The following PDGFRA variants were observed in gnomAD, a reference collection of about 807,000 sequenced individuals.
PDGFRA encodes the protein platelet derived growth factor receptor alpha, also known as platelet-derived growth factor receptor alpha.
In PDGFRA, 25 loss-of-function variants were observed where a neutral mutation model predicts 121.5. The observed-to-expected ratio is 0.21, with a 90% CI of 0.15 to 0.29. PDGFRA has a LOEUF of 0.29. Ranked by LOEUF, PDGFRA falls within the 10% of genes least tolerant of loss-of-function variation. The pLI, the probability that PDGFRA is intolerant of heterozygous loss-of-function variation, is 1.00. For synonymous variants in PDGFRA, 463 were observed against 494.8 expected, an observed-to-expected ratio of 0.94 and a Z score of 0.85; for missense variants, 1,008 against 1,345.1, an observed-to-expected ratio of 0.75 and a Z score of 3.92.
chr4:54,245,259 A>G (rs974731280), intron 1 of PDGFRA, among the ~76,000 whole-genome samples: 5 of 152,214 alleles, frequency 3.3e-5, no homozygotes, highest in Admixed American at 1.3e-4. Context: ...TCCAAGACAC[A>G]TAATTGTCAG....
At chr4:54,272,612 A>G (rs938445281) in intron 9 of PDGFRA, 92 bp downstream of exon 9, 3 of 1,446,362 alleles carry the variant, frequency 2.1e-6, no homozygotes, top group Non-Finnish European at 2.9e-6. Context: ...TATTGACTAT[A>G]AGATAGGGTT....
chr4:54,295,533 A>G lies in PDGFRA; in HGVS notation c.*261A>G, dbSNP rs1183062561. ...TTGGAGATAGATGGATAAGGGAATA[A>G]TAGGCCACAGAAGGTGAACTTTGTG... On this transcript the variant is annotated 3_prime_UTR_variant, in exon 23 of 23. Coordinates refer to ENST00000257290, the MANE Select transcript of PDGFRA (RefSeq NM_006206.6). 3 of 509,648 alleles carry G rather than the reference A, an allele frequency of 5.9e-6. No homozygotes were observed. Among genetic ancestry groups the G allele is most frequent in the African/African-American group, 5.7e-5 (3 of 52,434 alleles). 31.6% of individuals were successfully genotyped at this position (509,648 alleles called of 1,614,324 possible).
chr4:54,284,798 T>TTG (rs111268172), intron 16 of PDGFRA, among the ~76,000 whole-genome samples: 968 of 26,256 alleles, frequency 0.037, 11 homozygotes, highest in African/African-American at 0.064. Context: ...AACTATATCA[T>TTG]TGCGTGTGTG....
intron 17 of PDGFRA, 137 bp downstream of exon 17, chr4:54,285,623 C>T (rs2110336577): frequency 1.4e-6 from 1 of 734,960 alleles, no homozygotes. Flanking sequence ...CCTTCATCCC[C>T]TACGCAGGTC....
chr4:54,234,340 A>AT lies in PDGFRA; in HGVS notation c.-13+4927dup, dbSNP rs1251442815. Among the ~76,000 whole-genome samples, 64 of 152,322 alleles carry AT rather than the reference A, an allele frequency of 4.2e-4. 1 individual carries two copies. The highest frequency in any genetic ancestry group is 1.5e-3 in the African/African-American group (63 of 41,578). On this transcript the variant is annotated intron_variant, in intron 1 of 22. Coordinates refer to ENST00000257290, the MANE Select transcript of PDGFRA (RefSeq NM_006206.6). ...AACCTAAGGAAGGAAGAGACTGGAA[A>AT]TTAACATTTGGGGTAGTGGAGCTCA...
At chr4:54,238,633 A>C (rs749762315) in intron 1 of PDGFRA, among the ~76,000 whole-genome samples, 2 of 152,170 alleles carry the variant, frequency 1.3e-5, no homozygotes, top group Non-Finnish European at 2.9e-5. Flanking sequence ...GAGTTGGTAT[A>C]GGAGTTGATA....
chr4:54,288,937 T>TC, intron 20 of PDGFRA, 39 bp downstream of exon 20: 1 of 1,547,174 alleles, frequency 6.5e-7, no homozygotes, highest in South Asian at 1.1e-5. Context: ...GTGTTCACAG[T>TC]CTGTGGGTCT....
At chr4:54,287,282 T>C (rs945451015) in intron 18 of PDGFRA, 148 bp from the exon 19 acceptor site, 31 of 727,132 alleles carry the variant, frequency 4.3e-5, no homozygotes, top group African/African-American at 3.3e-4. Context: ...AGTTCAGTAA[T>C]GAACAAAACA....
chr4:54,254,818 G>A (rs1486186060), intron 1 of PDGFRA, among the ~76,000 whole-genome samples: 3 of 152,126 alleles, frequency 2.0e-5, no homozygotes, highest in Admixed American at 6.5e-5. Context: ...GGCACATGCC[G>A]GGCTCCTCAG....
At chr4:54,277,331 A>G (rs2110307687) in intron 12 of PDGFRA, 57 bp from the exon 13 acceptor site, 1 of 1,188,744 alleles carries the variant, frequency 8.4e-7, no homozygotes, top group Admixed American at 1.7e-5. Context: ...GCTACGGTGC[A>G]GAAAGCTGAG....
chr4:54,269,742 A>G (rs1297251908), intron 7 of PDGFRA, among the ~76,000 whole-genome samples: 1 of 150,184 alleles, frequency 6.7e-6, no homozygotes, highest in Non-Finnish European at 1.5e-5. Flanking sequence ...TCCTGGGTTC[A>G]AGCGATTCTT....
At chr4:54,286,645 C>G (rs997626585) in intron 18 of PDGFRA, among the ~76,000 whole-genome samples, 1 of 152,178 alleles carries the variant, frequency 6.6e-6, no homozygotes, top group Admixed American at 6.5e-5. Context: ...GTGTGAGCCA[C>G]TGCATCTGGC....
chr4:54,274,403 C>A (rs745626131), intron 10 of PDGFRA, 128 bp from the exon 11 acceptor site: 49 of 739,672 alleles, frequency 6.6e-5, no homozygotes, highest in Non-Finnish European at 1.0e-4. Flanking sequence ...TAAAATGAAC[C>A]AGGCAGCCCT....
At chr4:54,281,538 C>G in intron 16 of PDGFRA, 1 of 1,289,752 alleles carries the variant, frequency 7.8e-7, no homozygotes, top group Non-Finnish European at 1.0e-6. Context: ...AGTACTTCCT[C>G]TCCCCTCCCA....
At chr4:54,230,647 G>C (rs543513559) in intron 1 of PDGFRA, 6 of 152,228 alleles carry the variant, frequency 3.9e-5, no homozygotes, top group African/African-American at 1.2e-4. Flanking sequence ...TTCTCCCTCC[G>C]GGCACCCGAG....
At chr4:54,250,257 T>A (rs1475028938) in intron 1 of PDGFRA, among the ~76,000 whole-genome samples, 3 of 152,248 alleles carry the variant, frequency 2.0e-5, no homozygotes, top group African/African-American at 7.2e-5. Context: ...AAATGCTTTA[T>A]GGTGACCTGG....
chr4:54,232,413 A>G (rs566997587), intron 1 of PDGFRA, among the ~76,000 whole-genome samples: 82 of 152,288 alleles, frequency 5.4e-4, no homozygotes, highest in African/African-American at 1.8e-3. Flanking sequence ...GGGCTGAAAA[A>G]GTAGATTGTA....
At chr4:54,267,893 A>T (rs1423579552) in intron 7 of PDGFRA, 152 bp downstream of exon 7, 13 of 707,858 alleles carry the variant, frequency 1.8e-5, no homozygotes, top group Non-Finnish European at 2.5e-5. Context: ...CCCTTTAATG[A>T]TAACATTGCA....
At chr4:54,256,491 G>T (rs541810514) in intron 1 of PDGFRA, among the ~76,000 whole-genome samples, 6 of 151,510 alleles carry the variant, frequency 4.0e-5, no homozygotes, top group Non-Finnish European at 5.9e-5. Flanking sequence ...ACCTGCCTTG[G>T]CCTCCCAAAG....
Sources: allele counts gnomAD v4.1 joint callset (sites outside exome capture counted in the v4.1 genomes callset), GRCh38; gene constraint gnomAD v4.1.1; transcripts MANE v1.5; gene names NCBI Gene and HGNC (gene_info 2026-07-23, HGNC 2026-07-21).